Variants in CYLD observed in about 807,000 individuals in gnomAD.
CYLD encodes ubiquitin carboxyl-terminal hydrolase CYLD.
CYLD carries 26 observed loss-of-function variants against 104.5 expected under a neutral mutation model. The ratio of observed to expected loss-of-function variants is 0.25; its 90% CI spans 0.18 to 0.35. The LOEUF (loss-of-function observed/expected upper bound fraction) is 0.35, where lower values mean the gene tolerates loss of function less well. Ranked by LOEUF, CYLD falls within the 10% of genes least tolerant of loss-of-function variation. CYLD has a pLI of 1.00. For missense variants in CYLD, 703 were observed against 1,136.1 expected, an observed-to-expected ratio of 0.62 and a Z score of 5.48; for synonymous variants, 385 against 399.9, an observed-to-expected ratio of 0.96 and a Z score of 0.45.
At chr16:50,757,081 C>T (rs1967332055) in intron 5 of CYLD, among the ~76,000 whole-genome samples, 1 of 152,044 alleles carries the variant, frequency 6.6e-6, no homozygotes, top group Non-Finnish European at 1.5e-5. Context: ...GCAAGGATCA[C>T]AATTGAATAA....
chr16:50,790,562 C>T (rs1971331722), intron 14 of CYLD, among the ~76,000 whole-genome samples: 1 of 151,916 alleles, frequency 6.6e-6, no homozygotes, highest in Admixed American at 6.6e-5. Flanking sequence ...TATATCATAG[C>T]CTTCAGGTTT....
At position 50,750,219 on chromosome 16, in the gene CYLD, A is replaced by G. The variant is rs770299821; in HGVS notation, c.504+17A>G. The G allele has an allele frequency of 6.2e-7, 1 of 1,613,156 alleles. No individual in the cohort carries two copies. On this transcript the variant is annotated intron_variant, in intron 3 of 18. Coordinates refer to ENST00000427738, the MANE Select transcript of CYLD (RefSeq NM_001378743.1). Reference sequence around the variant, plus strand: ...GAATTGCTGGTAAGTTTGATAAACCATTTTAGTAGTGTGTTTGTTTGTGTT... The same window carrying G: ...GAATTGCTGGTAAGTTTGATAAACCGTTTTAGTAGTGTGTTTGTTTGTGTT...
At chr16:50,742,898 A>C in intron 2 of CYLD, 57 bp downstream of exon 2, 60 of 26,820 alleles carry the variant, frequency 2.2e-3, no homozygotes, top group East Asian at 2.8e-3. Context: ...TGGGGGGCGA[A>C]TGGGGGGCGG....
At chr16:50,752,616 C>T (rs1966721466) in intron 4 of CYLD, among the ~76,000 whole-genome samples, 1 of 152,114 alleles carries the variant, frequency 6.6e-6, no homozygotes, top group Non-Finnish European at 1.5e-5. Flanking sequence ...TGTTCATCTC[C>T]AGAACTTTTT....
At chr16:50,787,918 C>A in intron 14 of CYLD, 66 bp downstream of exon 14, 1 of 910,170 alleles carries the variant, frequency 1.1e-6, no homozygotes, top group South Asian at 1.4e-5. Flanking sequence ...TGCCATTATT[C>A]AACAGACATG....
chr16:50,794,297 G>C lies in CYLD; in HGVS notation c.2555G>C (p.Gly852Ala). 6.2e-7 allele frequency: 1 copy of C among 1,614,174 alleles called. No individual in the cohort carries two copies. Among genetic ancestry groups the C allele is most frequent in the Non-Finnish European group, 8.5e-7 (1 of 1,180,012 alleles). ...TTACCCGACTGGGACTGGAGACACG[G>C]CTGCATCCCTTGCCAGAATATGGAG... is the stretch of plus-strand genomic sequence containing the variant. ...KDLPDWDWRH[G>A]CIPCQNMELF... The change falls in exon 18 of 19, where the codon GGC (glycine) becomes GCC (alanine). Residue 852 changes from glycine to alanine, a missense_variant. Coordinates refer to ENST00000427738, the MANE Select transcript of CYLD (RefSeq NM_001378743.1). The surrounding 1 kb of genome is among the most constrained non-coding windows in gnomAD (Gnocchi z 4.1).
chr16:50,792,743 T>A (rs781542114), intron 16 of CYLD, 38 bp downstream of exon 16: 31 of 1,099,106 alleles, frequency 2.8e-5, no homozygotes, highest in Non-Finnish European at 3.8e-5. Context: ...TTGTTGGTTT[T>A]GTGGAAATTG....
intron 5 of CYLD, among the ~76,000 whole-genome samples, chr16:50,762,816 A>G (rs1968102050): frequency 6.6e-6 from 1 of 152,200 alleles, no homozygotes; most frequent in Non-Finnish European, 1.5e-5. Flanking sequence ...TATAAAGCAT[A>G]TTTTCTAACA....
intron 5 of CYLD, among the ~76,000 whole-genome samples, chr16:50,757,816 G>A (rs536750651): frequency 5.3e-5 from 8 of 152,322 alleles, no homozygotes; most frequent in Admixed American, 3.9e-4. Context: ...GACTACAGGC[G>A]TGAGCCACTG....
At chr16:50,788,452 T>C (rs1048220679) in intron 14 of CYLD, among the ~76,000 whole-genome samples, 4 of 152,184 alleles carry the variant, frequency 2.6e-5, no homozygotes, top group Non-Finnish European at 4.4e-5. Flanking sequence ...CTTAGTAATA[T>C]CCTATACACT....
intron 12 of CYLD, chr16:50,785,122 T>C (rs546091507): frequency 6.6e-5 from 10 of 152,380 alleles, no homozygotes; most frequent in Admixed American, 1.3e-4. Context: ...AGTAGTGATA[T>C]GTGATAATGT....
chr16:50,752,810 C>T (rs998632571), intron 4 of CYLD, among the ~76,000 whole-genome samples: 1 of 152,170 alleles, frequency 6.6e-6, no homozygotes, highest in South Asian at 2.1e-4. Flanking sequence ...TGTTTCCTTA[C>T]AATCATACTT....
Position 50,796,541 on chromosome 16 carries a change from G to A in CYLD, c.*33G>A, listed in dbSNP as rs761327786. 11 of 1,603,766 alleles carry A rather than the reference G, an allele frequency of 6.9e-6. No homozygotes were observed. The highest frequency in any genetic ancestry group is 1.1e-5 in the South Asian group (1 of 90,836). On this transcript the variant is annotated 3_prime_UTR_variant, in exon 19 of 19. Transcript: ENST00000427738. ...CATCGGGAAAGGCAAAGAAACTGAA[G>A]GCAGAGTCCTAACGTTGCATCTTAT...
Position 50,749,856 on chromosome 16 carries a change from G to T in CYLD, c.158G>T (p.Arg53Leu), listed in dbSNP as rs375455772. 3 of 1,613,992 alleles carry T rather than the reference G, an allele frequency of 1.9e-6. No homozygotes were observed. The African/African-American group carries it at 4.0e-5, about 22-fold the overall frequency. Residue 53 changes from arginine to leucine, a missense_variant, in exon 3 of 19, where the codon CGT becomes CTT. Coordinates refer to ENST00000427738, the MANE Select transcript of CYLD (RefSeq NM_001378743.1). ...AGTATAGGACAGTATATTCAAGATC[G>T]TTCTGTGGGGCATTCAAGGATTCCT... Reference protein sequence around the residue: ...KGSIGQYIQDRSVGHSRIPSA... With the variant: ...KGSIGQYIQDLSVGHSRIPSA...
chr16:50,754,988 CAT>C (rs1234691926), intron 5 of CYLD, among the ~76,000 whole-genome samples: 10 of 27,568 alleles, frequency 3.6e-4, no homozygotes, highest in East Asian at 9.2e-4. Context: ...TACATATATA[CAT>C]ATATATGTAT....
At position 50,780,921 on chromosome 16, in the gene CYLD, A is replaced by C. The variant is rs114197568; in HGVS notation, c.1519-325A>C. On this transcript the variant is annotated intron_variant, in intron 9 of 18. Transcript: ENST00000427738. ...GAGGCAAGAATGAGGGTTAAAATAA[A>C]TAGCCTTCTCCTTCCCTGCCTGTTT... Among the ~76,000 whole-genome samples the C allele has an allele frequency of 5.0e-3, 754 of 152,226 alleles. 17 individuals carry two copies. Among genetic ancestry groups the C allele is most frequent in the African/African-American group, 0.017 (711 of 41,540 alleles).
In CYLD at chr16:50,796,567, T is replaced by C. The variant is rs950448066; in HGVS notation, c.*59T>C. The C allele has an allele frequency of 9.9e-5, 154 of 1,557,188 alleles. 1 individual carries two copies. Among genetic ancestry groups the C allele is most frequent in the Non-Finnish European group, 2.3e-5 (26 of 1,138,458 alleles). On this transcript the variant is annotated 3_prime_UTR_variant, in exon 19 of 19. Transcript: ENST00000427738. Reference sequence around the variant, plus strand: ...GCAGAGTCCTAACGTTGCATCTTATTCGAGCTGGCAGTTCTGTTCACGTCC... The same window carrying C: ...GCAGAGTCCTAACGTTGCATCTTATCCGAGCTGGCAGTTCTGTTCACGTCC...
chr16:50,745,067 T>C (rs1462158953), intron 2 of CYLD, among the ~76,000 whole-genome samples: 1 of 152,244 alleles, frequency 6.6e-6, no homozygotes, highest in African/African-American at 2.4e-5. Context: ...ATTACCAAGA[T>C]ATTCATAATC....
intron 3 of CYLD, 112 bp downstream of exon 3, chr16:50,750,314 A>C: frequency 8.0e-7 from 1 of 1,251,316 alleles, no homozygotes; most frequent in Non-Finnish European, 1.2e-6. Context: ...TTTTCCCAAG[A>C]GTCTTCTGTA....
Sources: gnomAD v4.1 joint callset for allele counts (sites outside exome capture counted in the v4.1 genomes callset) on GRCh38, gnomAD v4.1.1 for gene constraint, Gnocchi (gnomAD v3.1) non-coding constraint, MANE v1.5 for transcripts, NCBI Gene and HGNC (gene_info 2026-07-23, HGNC 2026-07-21) for gene names.